The following GALK2 variants were observed in gnomAD, a reference collection of about 807,000 sequenced individuals.
GALK2 encodes N-acetylgalactosamine kinase.
In GALK2, 36 loss-of-function variants were observed where a neutral mutation model predicts 52.4. The ratio of observed to expected loss-of-function variants is 0.69; its 90% CI spans 0.53 to 0.91. The LOEUF is 0.91. GALK2 is among the 40% of genes least tolerant of loss of function. The pLI is 0.00. For synonymous variants in GALK2, 176 were observed against 199.1 expected, an observed-to-expected ratio of 0.88 and a Z score of 0.98; for missense variants, 579 against 559.1, an observed-to-expected ratio of 1.04 and a Z score of -0.36.
At chr15:49,164,780 C>CAAAAAAAA (rs36107125) in intron 1 of GALK2, among the ~76,000 whole-genome samples, 1 of 65,182 alleles carries the variant, frequency 1.5e-5, no homozygotes, top group Non-Finnish European at 2.9e-5. Flanking sequence ...AACTCCGTCT[C>CAAAAAAAA]AAAAAAAAAA....
intron 1 of GALK2, among the ~76,000 whole-genome samples, chr15:49,179,921 G>A (rs2085830169): frequency 6.6e-6 from 1 of 151,960 alleles, no homozygotes; most frequent in Non-Finnish European, 1.5e-5. Context: ...TTATTAGAGG[G>A]TTAGGTATGA....
At chr15:49,166,923 C>G (rs1316498671), upstream of GALK2, among the ~76,000 whole-genome samples, 1 of 152,144 alleles carries the variant, frequency 6.6e-6, no homozygotes, top group African/African-American at 2.4e-5. Flanking sequence ...AACATTATTT[C>G]AGATAAATGG....
intron 3 of GALK2, among the ~76,000 whole-genome samples, chr15:49,227,699 T>C (rs79813796): frequency 0.06 from 9,163 of 152,088 alleles, 551 homozygotes; most frequent in African/African-American, 0.15. Context: ...GGTTGTTTTA[T>C]ATATCTTTTT....
rs73392212 is a variant in GALK2 at position 49,201,733 on chromosome 15, C to G, written c.142+483C>G. Among the ~76,000 whole-genome samples, 1,394 of 152,244 alleles carry G rather than the reference C, an allele frequency of 9.2e-3. 32 individuals are homozygous for G. The highest frequency in any genetic ancestry group is 0.069 in the South Asian group (331 of 4,828). On this transcript the variant is annotated intron_variant, in intron 2 of 9. Coordinates refer to ENST00000560031, the MANE Select transcript of GALK2 (RefSeq NM_002044.4). ...TACCTTTTAGTGGTAAATAACACAA[C>G]CTTTCAACATTTTGTTTACTATCAT...
At chr15:49,337,508 C>CTTTTTTTTT (rs33973907) in intron 3 of GALK2, among the ~76,000 whole-genome samples, 4 of 36,086 alleles carry the variant, frequency 1.1e-4, no homozygotes, top group South Asian at 1.5e-3. Flanking sequence ...CATTTACCCA[C>CTTTTTTTTT]TTTTTTTTTT....
intron 3 of GALK2, chr15:49,353,853 C>G (rs948981740): frequency 6.6e-6 from 1 of 151,954 alleles, no homozygotes; most frequent in Non-Finnish European, 1.5e-5. Flanking sequence ...AGGTTCTTAC[C>G]ATATGTTAAT....
chr15:49,292,583 C>G (rs2034046913), intron 8 of GALK2, 46 bp downstream of exon 8: 6 of 1,487,498 alleles, frequency 4.0e-6, no homozygotes, highest in Non-Finnish European at 4.7e-6. Context: ...CCCTCACTTA[C>G]AGCTGGAAGG....
chr15:49,275,152 T>C (rs1333966083), intron 5 of GALK2, among the ~76,000 whole-genome samples: 1 of 152,214 alleles, frequency 6.6e-6, no homozygotes, highest in African/African-American at 2.4e-5. Context: ...TCACCACAAA[T>C]GTAATGTGAT....
intron 1 of GALK2, among the ~76,000 whole-genome samples, chr15:49,180,666 C>T (rs1420797466): frequency 6.6e-6 from 1 of 152,070 alleles, no homozygotes; most frequent in Non-Finnish European, 1.5e-5. Flanking sequence ...GACTTGATAT[C>T]CTCCAACCTC....
At chr15:49,212,708 C>G (rs1294938979) in intron 2 of GALK2, among the ~76,000 whole-genome samples, 1 of 152,028 alleles carries the variant, frequency 6.6e-6, no homozygotes, top group Non-Finnish European at 1.5e-5. Context: ...TCTTTTCACT[C>G]CCAATTGTTT....
Position 49,319,694 on chromosome 15 carries a change from C to G in GALK2, c.1058C>G (p.Pro353Arg). 1.2e-6 allele frequency: 2 copies of G among 1,614,098 alleles called. No individual in the cohort carries two copies. The highest frequency in any genetic ancestry group is 1.7e-6 in the Non-Finnish European group (2 of 1,180,022). Residue 353 changes from proline to arginine, a missense_variant, in exon 9 of 10, where the codon CCT becomes CGT. Physicochemically the swap from Pro to Arg is moderately radical, Grantham distance 103 (BLOSUM62 -2). Transcript: ENST00000560031. ...TTTAAGAAGATATGTGAAGAAGCAC[C>G]TGAAAACATGGTCCAGCTGCTGGGA... ...LQFKKICEEA[P>R]ENMVQLLGEL...
chr15:49,257,552 A>G (rs1035891712), intron 5 of GALK2, among the ~76,000 whole-genome samples: 4 of 152,214 alleles, frequency 2.6e-5, no homozygotes, highest in African/African-American at 9.6e-5. Context: ...CATAGCTATT[A>G]TAACTAGTAA....
intron 4 of GALK2, among the ~76,000 whole-genome samples, chr15:49,237,116 G>A (rs1486993275): frequency 1.3e-5 from 2 of 152,160 alleles, no homozygotes; most frequent in Non-Finnish European, 2.9e-5. Context: ...GTAACAACAT[G>A]CCTTTTTGCA....
intron 8 of GALK2, among the ~76,000 whole-genome samples, chr15:49,315,427 T>C (rs1321266750): frequency 1.3e-5 from 2 of 152,208 alleles, no homozygotes; most frequent in Non-Finnish European, 2.9e-5. Flanking sequence ...AAAGTTGTTA[T>C]GGATAAAGCT....
At chr15:49,311,666 C>A (rs1306240219) in intron 8 of GALK2, among the ~76,000 whole-genome samples, 2 of 152,136 alleles carry the variant, frequency 1.3e-5, no homozygotes, top group African/African-American at 4.8e-5. Context: ...GTGCTATATC[C>A]TCTTGGATAT....
At chr15:49,198,385 G>A (rs925433875) in intron 1 of GALK2, among the ~76,000 whole-genome samples, 1 of 152,178 alleles carries the variant, frequency 6.6e-6, no homozygotes, top group Non-Finnish European at 1.5e-5. Context: ...CTTCATGCCA[G>A]TGCTGGGCTG....
At chr15:49,251,427 G>A (rs772273045) in intron 5 of GALK2, among the ~76,000 whole-genome samples, 7 of 152,158 alleles carry the variant, frequency 4.6e-5, no homozygotes, top group Non-Finnish European at 1.0e-4. Context: ...TTGGGAATTA[G>A]GGAAGAGAAA....
chr15:49,182,181 T>C (rs2086025279), intron 1 of GALK2, among the ~76,000 whole-genome samples: 1 of 152,190 alleles, frequency 6.6e-6, no homozygotes, highest in South Asian at 2.1e-4. Flanking sequence ...ATCATTCTAC[T>C]CTCTTTCTCC....
chr15:49,156,026 C>A, intron 1 of GALK2: 1 of 1,614,058 alleles, frequency 6.2e-7, no homozygotes, highest in Non-Finnish European at 8.5e-7. Flanking sequence ...GGTATTATTT[C>A]TGCTATCATT....
Sources: allele counts gnomAD v4.1 joint callset (sites outside exome capture counted in the v4.1 genomes callset), GRCh38; gene constraint gnomAD v4.1.1; transcripts MANE v1.5; gene names NCBI Gene and HGNC (gene_info 2026-07-23, HGNC 2026-07-21).